TRAPPC9: variants seen among roughly 807,000 people sequenced by gnomAD.
The protein encoded by TRAPPC9 is trafficking protein particle complex subunit 9, also known as IKK2 binding protein.
In TRAPPC9, 83 loss-of-function variants were observed where a neutral mutation model predicts 124.0. The ratio of observed to expected loss-of-function variants is 0.67; its 90% CI spans 0.56 to 0.80. The LOEUF is 0.80. Ranked by LOEUF, TRAPPC9 falls within the 30% of genes least tolerant of loss-of-function variation. The pLI, the probability that TRAPPC9 is intolerant of heterozygous loss-of-function variation, is 0.00. For missense variants in TRAPPC9, 1,302 were observed against 1,508.3 expected, an observed-to-expected ratio of 0.86 and a Z score of 2.27; for synonymous variants, 638 against 617.5, an observed-to-expected ratio of 1.03 and a Z score of -0.49.
intron 16 of TRAPPC9, among the ~76,000 whole-genome samples, chr8:140,246,561 C>A (rs1257463759): frequency 1.3e-5 from 2 of 152,198 alleles, no homozygotes; most frequent in Non-Finnish European, 2.9e-5. Flanking sequence ...TAGTTCAAAA[C>A]TAGATTCAGA....
At chr8:140,226,843 C>T (rs2063466497) in intron 16 of TRAPPC9, among the ~76,000 whole-genome samples, 1 of 150,562 alleles carries the variant, frequency 6.6e-6, no homozygotes, top group Admixed American at 6.6e-5. Context: ...GATATGAGCA[C>T]TTTGCAAAAA....
intron 17 of TRAPPC9, among the ~76,000 whole-genome samples, chr8:140,132,372 T>C (rs2061224261): frequency 2.0e-5 from 3 of 152,240 alleles, no homozygotes; most frequent in Non-Finnish European, 4.4e-5. Flanking sequence ...GGTCTTTTTA[T>C]TTGCCAGAGG....
chr8:140,233,650 C>CACACACACACACACACACACAT (rs1563868271), intron 16 of TRAPPC9, among the ~76,000 whole-genome samples: 30 of 144,928 alleles, frequency 2.1e-4, no homozygotes, highest in African/African-American at 7.4e-4. Flanking sequence ...CACACACACA[C>CACACACACACACACACACACAT]ATAAACACAC....
At chr8:140,082,721 CT>C (rs1843909822) in intron 17 of TRAPPC9, among the ~76,000 whole-genome samples, 1 of 152,170 alleles carries the variant, frequency 6.6e-6, no homozygotes, top group Non-Finnish European at 1.5e-5. Flanking sequence ...TAAACACGTT[CT>C]TTTCTCCTAT....
chr8:139,914,062 G>C (rs1019856629), intron 19 of TRAPPC9: 4 of 152,376 alleles, frequency 2.6e-5, no homozygotes, highest in Admixed American at 2.6e-4. Flanking sequence ...CTGCGTGATG[G>C]AAGGCGAGAG....
chr8:139,795,510 T>C (rs1586858540), intron 21 of TRAPPC9, among the ~76,000 whole-genome samples: 1 of 149,672 alleles, frequency 6.7e-6, no homozygotes, highest in East Asian at 2.0e-4. Flanking sequence ...CATGGCTTAA[T>C]TGCTAGGCAA....
chr8:140,365,300 T>C (rs1276966738), intron 8 of TRAPPC9, among the ~76,000 whole-genome samples: 1 of 152,094 alleles, frequency 6.6e-6, no homozygotes, highest in Admixed American at 6.5e-5. Flanking sequence ...TGGTCAGTAA[T>C]GGCGTCCTGT....
rs550427915 is a variant in TRAPPC9 at position 140,158,610 on chromosome 8, T to C, written c.2556+62849A>G. On this transcript the variant is annotated intron_variant, in intron 17 of 22. Coordinates refer to ENST00000438773, the MANE Select transcript of TRAPPC9 (RefSeq NM_001160372.4). ...GCAGCAATAAGAACTACATATATGT[T>C]TAATAAATTTAAATGTTTATTTTAA... Among the ~76,000 whole-genome samples the C allele has an allele frequency of 9.8e-5, 15 of 152,352 alleles. No homozygotes were observed. In the South Asian group the frequency reaches 3.1e-3, roughly 32 times the overall value.
At chr8:139,886,313 A>G (rs1296528667) in intron 20 of TRAPPC9, among the ~76,000 whole-genome samples, 1 of 152,254 alleles carries the variant, frequency 6.6e-6, no homozygotes, top group Non-Finnish European at 1.5e-5. Context: ...AAAATATGCA[A>G]ACTGGTTCAC....
At chr8:139,861,303 G>C (rs1316954827) in intron 21 of TRAPPC9, among the ~76,000 whole-genome samples, 1 of 152,208 alleles carries the variant, frequency 6.6e-6, no homozygotes, top group Non-Finnish European at 1.5e-5. Context: ...GGGTTGGACT[G>C]CACAGTCTAA....
rs1286152263 is a variant in TRAPPC9 at position 139,776,512 on chromosome 8, A to C, written c.3056-44310T>G. Among the ~76,000 whole-genome samples the C allele has an allele frequency of 6.6e-6, 1 of 152,160 alleles. No individual in the cohort carries two copies. Among genetic ancestry groups the C allele is most frequent in the East Asian group, 1.9e-4 (1 of 5,168 alleles). On this transcript the variant is annotated intron_variant, in intron 21 of 22. Transcript: ENST00000438773. This position sits in a 1 kb window ranked among gnomAD's most constrained non-coding sequence, Gnocchi z 4.1. Reference sequence around the variant, plus strand: ...CATCTCAACCCATTCGGCAAACGGGAGCTTCATCGCAATAGCGACTGCCTA... The same window carrying C: ...CATCTCAACCCATTCGGCAAACGGGCGCTTCATCGCAATAGCGACTGCCTA...
At chr8:140,367,885 G>A (rs1431734540) in intron 8 of TRAPPC9, among the ~76,000 whole-genome samples, 3 of 152,124 alleles carry the variant, frequency 2.0e-5, no homozygotes, top group Admixed American at 6.5e-5. Context: ...TCCATCTAAA[G>A]GTGTCAATCA....
chr8:139,735,671 G>A (rs1034847287), intron 21 of TRAPPC9, among the ~76,000 whole-genome samples: 2 of 146,952 alleles, frequency 1.4e-5, no homozygotes, highest in South Asian at 4.3e-4. Context: ...TTTTTTTTTT[G>A]TTTTGTTTTG....
chr8:140,008,206 A>C (rs1451830726), intron 18 of TRAPPC9, among the ~76,000 whole-genome samples: 2 of 152,224 alleles, frequency 1.3e-5, no homozygotes, highest in African/African-American at 4.8e-5. Flanking sequence ...CCCTTCCAAC[A>C]AGAGGGTCTA....
Position 140,087,526 on chromosome 8 carries a change from C to A in TRAPPC9, c.2557-63447G>T, listed in dbSNP as rs901887398. Among the ~76,000 whole-genome samples, 4 of 152,336 alleles carry A rather than the reference C, an allele frequency of 2.6e-5. No individual in the cohort carries two copies. In the East Asian group the frequency reaches 7.7e-4, roughly 29 times the overall value. On this transcript the variant is annotated intron_variant, in intron 17 of 22. Transcript: ENST00000438773. This position sits in a 1 kb window ranked among gnomAD's most constrained non-coding sequence, Gnocchi z 4.6. ...TGTGTTTTCCCCACATTCTAATCCCCACCGAGCTTCCTCCATCTCAGTAAA... is the reference window on the plus strand; with the variant it reads ...TGTGTTTTCCCCACATTCTAATCCCAACCGAGCTTCCTCCATCTCAGTAAA...
At position 140,318,427 on chromosome 8, in the gene TRAPPC9, C is replaced by G. The variant is rs2066497015; in HGVS notation, c.1496-7053G>C. 2.6e-5 allele frequency among the ~76,000 whole-genome samples: 4 copies of G among 152,276 alleles called. No homozygotes were observed. The East Asian group carries it at 7.7e-4, about 29-fold the overall frequency. On this transcript the variant is annotated intron_variant, in intron 9 of 22. Transcript: ENST00000438773. ...TAATATTGAAATGTACAGCACTCAA[C>G]TCTTAGCCATATTCACCATGCTGTG...
intron 9 of TRAPPC9, among the ~76,000 whole-genome samples, chr8:140,327,177 T>TG (rs1563947742): frequency 6.6e-6 from 1 of 151,832 alleles, no homozygotes; most frequent in Non-Finnish European, 1.5e-5. Flanking sequence ...TGCTTGAACC[T>TG]GGGAGGCGGA....
At chr8:140,175,162 C>G (rs1587858361) in intron 17 of TRAPPC9, among the ~76,000 whole-genome samples, 3 of 152,012 alleles carry the variant, frequency 2.0e-5, no homozygotes, top group African/African-American at 7.3e-5. Context: ...CAGACAACCA[C>G]TTACCATGTT....
intron 20 of TRAPPC9, among the ~76,000 whole-genome samples, chr8:139,896,321 A>G (rs1830665911): frequency 6.6e-6 from 1 of 152,208 alleles, no homozygotes; most frequent in African/African-American, 2.4e-5. Flanking sequence ...AGGTCAATCC[A>G]TAATGATGAT....
Sources: gnomAD v4.1 joint callset for allele counts (sites outside exome capture counted in the v4.1 genomes callset) on GRCh38, gnomAD v4.1.1 for gene constraint, Gnocchi (gnomAD v3.1) non-coding constraint, MANE v1.5 for transcripts, NCBI Gene and HGNC (gene_info 2026-07-23, HGNC 2026-07-21) for gene names.